The following VPS13B variants were observed in gnomAD, a reference collection of about 807,000 sequenced individuals.
VPS13B encodes the protein intermembrane lipid transfer protein VPS13B.
Under a neutral mutation model 426.4 loss-of-function variants are expected in VPS13B, and 285 were observed. The ratio of observed to expected loss-of-function variants is 0.67; its 90% CI spans 0.61 to 0.74. VPS13B has a LOEUF of 0.74. VPS13B is among the 30% of genes least tolerant of loss of function. The probability of loss-of-function intolerance (pLI) is 0.00; values close to 1 mark genes in which losing one functional copy is unlikely to be tolerated. For missense variants in VPS13B, 4,537 were observed against 4,782.6 expected (o/e 0.95, Z 1.51); for synonymous variants, 1,676 against 1,676.4 (o/e 1.00, Z 0.01).
chr8:99,238,099 T>C (rs1816736301), intron 17 of VPS13B, among the ~76,000 whole-genome samples: 1 of 152,122 alleles, frequency 6.6e-6, no homozygotes, highest in Admixed American at 6.6e-5. Context: ...CATCCTCTTA[T>C]CTAGTTTACT....
chr8:99,537,842 G>C (rs1823340531), intron 30 of VPS13B, among the ~76,000 whole-genome samples: 1 of 152,136 alleles, frequency 6.6e-6, no homozygotes, highest in African/African-American at 2.4e-5. Flanking sequence ...GGTCATTAAA[G>C]TTCAACCTTC....
At chr8:99,547,412 A>G (rs1268217465) in intron 30 of VPS13B, among the ~76,000 whole-genome samples, 1 of 152,066 alleles carries the variant, frequency 6.6e-6, no homozygotes, top group African/African-American at 2.4e-5. Flanking sequence ...TCAAGGCATA[A>G]AAGTTTTACT....
intron 24 of VPS13B, among the ~76,000 whole-genome samples, chr8:99,471,081 C>T (rs970559659): frequency 6.6e-6 from 1 of 151,934 alleles, no homozygotes; most frequent in East Asian, 1.9e-4. Context: ...GAGAAATAAA[C>T]CCATTTTTAG....
intron 8 of VPS13B, among the ~76,000 whole-genome samples, chr8:99,132,969 G>C (rs1184380233): frequency 6.6e-6 from 1 of 152,084 alleles, no homozygotes; most frequent in Non-Finnish European, 1.5e-5. Context: ...TTTTCAGAAT[G>C]GTAAATGAAC....
At position 99,576,358 on chromosome 8, in the gene VPS13B, G is replaced by T. The variant is rs184743514; in HGVS notation, c.5076+574G>T. Among the ~76,000 whole-genome samples, 16 of 151,764 alleles carry T rather than the reference G, an allele frequency of 1.1e-4. No homozygotes were observed. The East Asian group carries it at 3.1e-3, about 29-fold the overall frequency. ...TTTTAGTACAAATTTTTGTGCTCTT[G>T]GGTAATGTTACGGTGACTATTTTTT... is the stretch of plus-strand genomic sequence containing the variant. On this transcript the variant is annotated intron_variant, in intron 32 of 61. Coordinates refer to ENST00000357162, the MANE Select transcript of VPS13B (RefSeq NM_152564.5).
intron 19 of VPS13B, among the ~76,000 whole-genome samples, chr8:99,364,121 T>C (rs375312323): frequency 6.6e-6 from 1 of 152,184 alleles, no homozygotes; most frequent in South Asian, 2.1e-4. Flanking sequence ...GCTTTTATTA[T>C]GTTGAGGTAT....
chr8:99,777,969 C>T (rs1162582158), intron 41 of VPS13B, among the ~76,000 whole-genome samples: 2 of 152,138 alleles, frequency 1.3e-5, no homozygotes, highest in Admixed American at 1.3e-4. Context: ...CAGTGACTCA[C>T]ACCTGTAATC....
chr8:99,467,532 G>A lies in VPS13B; in HGVS notation c.3564G>A (p.Thr1188=), dbSNP rs140905518. Residue 1188 remains threonine, a synonymous_variant, in exon 24 of 62, where the codon ACG becomes ACA. Transcript: ENST00000357162. ...GTTGCACCTCCACTCTAGCTGTCAC[G>A]TCTCAAAAACTGCTTGCTACGGGAC... ...PMGCTSTLAV[T]SQKLLATGPD... The A allele has an allele frequency of 9.3e-6, 15 of 1,613,636 alleles. No homozygotes were observed. Among genetic ancestry groups the A allele is most frequent in the African/African-American group, 8.0e-5 (6 of 74,856 alleles).
At position 99,589,645 on chromosome 8, in the gene VPS13B, G is replaced by A. The variant is rs536039181; in HGVS notation, c.5220+12012G>A. 5.3e-4 allele frequency among the ~76,000 whole-genome samples: 81 copies of A among 151,842 alleles called. 1 individual carries two copies. Among genetic ancestry groups the A allele is most frequent in the Non-Finnish European group, 8.4e-4 (57 of 68,006 alleles). On this transcript the variant is annotated intron_variant, in intron 33 of 61. Transcript: ENST00000357162. ...GTTGGTTCCAAGTCTTTGCTATTGC[G>A]AATAGTGCCGCTATAAACATACATG...
intron 42 of VPS13B, 82 bp downstream of exon 42, chr8:99,779,113 A>T: frequency 7.8e-7 from 1 of 1,279,230 alleles, no homozygotes; most frequent in East Asian, 2.4e-5. Flanking sequence ...TCTGATAATA[A>T]GTTCAACACA....
In VPS13B at chr8:99,586,934, C is replaced by T. The variant is rs141491180; in HGVS notation, c.5220+9301C>T. Among the ~76,000 whole-genome samples, 53 of 152,162 alleles carry T rather than the reference C, an allele frequency of 3.5e-4. No homozygotes were observed. In the East Asian group the frequency reaches 9.9e-3, roughly 28 times the overall value. ...TGTTGGTTTGCTGCACGCATTAACT[C>T]GTCATTTACGTTAGGTATTACTCCT... On this transcript the variant is annotated intron_variant, in intron 33 of 61. Coordinates refer to ENST00000357162, the MANE Select transcript of VPS13B (RefSeq NM_152564.5).
chr8:99,425,110 A>T (rs1271722093), intron 21 of VPS13B, among the ~76,000 whole-genome samples: 2 of 152,230 alleles, frequency 1.3e-5, no homozygotes, highest in African/African-American at 4.8e-5. Context: ...GACCAGGTGG[A>T]TTCACAGCCA....
intron 19 of VPS13B, among the ~76,000 whole-genome samples, chr8:99,379,958 C>G (rs969019117): frequency 8.6e-5 from 13 of 151,968 alleles, no homozygotes; most frequent in Admixed American, 5.9e-4. Context: ...TTAAATAAAC[C>G]TTTTAAATTC....
intron 19 of VPS13B, among the ~76,000 whole-genome samples, chr8:99,312,494 G>A (rs541418340): frequency 6.6e-6 from 1 of 152,274 alleles, no homozygotes; most frequent in Non-Finnish European, 1.5e-5. Flanking sequence ...TTGAATATTG[G>A]CCCCCACTCT....
At chr8:99,857,813 C>T (rs565457707) in intron 56 of VPS13B, among the ~76,000 whole-genome samples, 30 of 152,296 alleles carry the variant, frequency 2.0e-4, no homozygotes, top group Middle Eastern at 3.4e-3. Context: ...TTGCAGTTAC[C>T]GTGAGAATTA....
chr8:99,385,586 A>G (rs997695589), intron 20 of VPS13B, among the ~76,000 whole-genome samples: 1 of 152,258 alleles, frequency 6.6e-6, no homozygotes, highest in South Asian at 2.1e-4. Flanking sequence ...CCATGGCCAC[A>G]GAAATAAAAG....
intron 39 of VPS13B, among the ~76,000 whole-genome samples, chr8:99,754,015 A>G (rs1810518826): frequency 6.6e-6 from 1 of 151,938 alleles, no homozygotes; most frequent in Non-Finnish European, 1.5e-5. Flanking sequence ...ATCACATTAA[A>G]ATGTTATAAA....
chr8:99,052,798 G>T (rs1294534833), intron 3 of VPS13B, among the ~76,000 whole-genome samples: 2 of 152,190 alleles, frequency 1.3e-5, no homozygotes, highest in Non-Finnish European at 2.9e-5. Flanking sequence ...ATTTCTTCTA[G>T]ATTTTCTAGT....
intron 36 of VPS13B, 83 bp from the exon 37 acceptor site, chr8:99,717,088 C>CTCTTCAAAATATATAGATGAATTAATA: frequency 2.2e-6 from 3 of 1,336,548 alleles, no homozygotes; most frequent in Non-Finnish European, 3.2e-6. Context: ...TGAATTAATA[C>CTCTTCAAAATATATAGATGAATTAATA]TCTTCAAAAA....
Sources: gnomAD v4.1 joint callset for allele counts (sites outside exome capture counted in the v4.1 genomes callset) on GRCh38, gnomAD v4.1.1 for gene constraint, MANE v1.5 for transcripts, NCBI Gene and HGNC (gene_info 2026-07-23, HGNC 2026-07-21) for gene names.